The following WWC2 variants were observed in gnomAD, a reference collection of about 807,000 sequenced individuals.
The protein encoded by WWC2 is protein WWC2.
WWC2 carries 101 observed loss-of-function variants against 138.5 expected under a neutral mutation model. The ratio of observed to expected loss-of-function variants is 0.73; its 90% CI spans 0.62 to 0.86. The LOEUF is 0.86. Ranked by LOEUF, WWC2 falls within the 40% of genes least tolerant of loss-of-function variation. The pLI, the probability that WWC2 is intolerant of heterozygous loss-of-function variation, is 0.00. For synonymous variants in WWC2, 558 were observed against 538.4 expected (o/e 1.04, Z -0.50); for missense variants, 1,420 against 1,419.4 (o/e 1.00, Z -0.01).
chr4:183,118,837 C>T (rs1026300964), intron 1 of WWC2, among the ~76,000 whole-genome samples: 10 of 152,022 alleles, frequency 6.6e-5, no homozygotes, highest in African/African-American at 1.9e-4. Context: ...GTTGTCTGAC[C>T]GGGTTTACTA....
chr4:183,261,096 A>G lies in WWC2; in HGVS notation c.1473A>G (p.Gln491=), dbSNP rs764702483. 3.1e-6 allele frequency: 5 copies of G among 1,613,914 alleles called. No individual in the cohort carries two copies. In the Admixed American group the frequency reaches 6.7e-5, roughly 22 times the overall value. ...DYQYKLDFLL[Q]EKSGYIPSGP... ...AGTATAAACTGGACTTCCTTCTGCA[A>G]GAGAAAAGCGGTTACATTCCTTCTG... The change falls in exon 11 of 23, where the codon CAA becomes CAG. Residue 491 remains glutamine (Q), a synonymous_variant. Transcript: ENST00000403733.
intron 11 of WWC2, among the ~76,000 whole-genome samples, chr4:183,262,090 CG>C (rs1350805264): frequency 6.6e-6 from 1 of 152,124 alleles, no homozygotes; most frequent in East Asian, 1.9e-4. Flanking sequence ...GTTGCAGCCC[CG>C]GGAAGGGATT....
chr4:183,177,522 G>A (rs1315031680), intron 1 of WWC2, among the ~76,000 whole-genome samples: 1 of 152,072 alleles, frequency 6.6e-6, no homozygotes, highest in Admixed American at 6.6e-5. Context: ...CTCCTTTGTT[G>A]TTTAACAAGG....
At chr4:183,297,721 C>T (rs1441365651) in intron 21 of WWC2, among the ~76,000 whole-genome samples, 1 of 152,168 alleles carries the variant, frequency 6.6e-6, no homozygotes, top group Non-Finnish European at 1.5e-5. Context: ...GGGATAAACA[C>T]TTCTGTTCTA....
intron 4 of WWC2, among the ~76,000 whole-genome samples, chr4:183,222,176 C>T (rs568400330): frequency 2.6e-5 from 4 of 152,154 alleles, no homozygotes; most frequent in South Asian, 2.1e-4. Context: ...ATTTTGTTGT[C>T]GTCCTGGTGG....
chr4:183,158,568 T>C (rs748314084), intron 1 of WWC2, among the ~76,000 whole-genome samples: 3 of 151,922 alleles, frequency 2.0e-5, no homozygotes, highest in Non-Finnish European at 4.4e-5. Context: ...ACCTTAATTA[T>C]GTCTTTAAGG....
chr4:183,253,643 G>C, intron 8 of WWC2, 114 bp from the exon 9 acceptor site: 1 of 1,312,412 alleles, frequency 7.6e-7, no homozygotes, highest in Non-Finnish European at 1.0e-6. Context: ...TTTCTGGTAA[G>C]GTCAAGTTAG....
chr4:183,144,105 T>TA (rs1435532347), intron 1 of WWC2, among the ~76,000 whole-genome samples: 1 of 152,266 alleles, frequency 6.6e-6, no homozygotes, highest in African/African-American at 2.4e-5. Flanking sequence ...GAAGCCTGTT[T>TA]AAATGGGAAC....
At chr4:183,139,204 A>C (rs1416701956) in intron 1 of WWC2, among the ~76,000 whole-genome samples, 2 of 152,176 alleles carry the variant, frequency 1.3e-5, no homozygotes, top group African/African-American at 4.8e-5. Flanking sequence ...AGGAGCTAGA[A>C]GCTGGAAATC....
chr4:183,188,618 ATC>A (rs539084926), intron 1 of WWC2, among the ~76,000 whole-genome samples: 5 of 138,612 alleles, frequency 3.6e-5, no homozygotes, highest in Non-Finnish European at 4.7e-5. Context: ...ATCTAATATG[ATC>A]TCTCTCTCTC....
At chr4:183,108,958 G>GA (rs1732135683) in intron 1 of WWC2, among the ~76,000 whole-genome samples, 1 of 152,146 alleles carries the variant, frequency 6.6e-6, no homozygotes, top group African/African-American at 2.4e-5. Flanking sequence ...TACCAACAGG[G>GA]AAAAGTAAGT....
At chr4:183,153,357 T>C (rs1189984715) in intron 1 of WWC2, among the ~76,000 whole-genome samples, 1 of 152,224 alleles carries the variant, frequency 6.6e-6, no homozygotes, top group Non-Finnish European at 1.5e-5. Flanking sequence ...GACTTAGTCC[T>C]CTTTGCTTCA....
intron 2 of WWC2, among the ~76,000 whole-genome samples, chr4:183,199,728 A>G (rs1203775073): frequency 6.6e-6 from 1 of 152,250 alleles, no homozygotes; most frequent in Non-Finnish European, 1.5e-5. Flanking sequence ...GTTATCTTCC[A>G]TGATAAGCTC....
chr4:183,206,412 G>A (rs763740077), intron 2 of WWC2, among the ~76,000 whole-genome samples: 1 of 151,958 alleles, frequency 6.6e-6, no homozygotes, highest in Non-Finnish European at 1.5e-5. Context: ...GGGTCCACTC[G>A]GATACAATAT....
chr4:183,200,081 C>T (rs1290170903), intron 2 of WWC2, among the ~76,000 whole-genome samples: 2 of 152,164 alleles, frequency 1.3e-5, no homozygotes, highest in Non-Finnish European at 2.9e-5. Context: ...TTGAATTGTG[C>T]AGTATTTCAG....
At chr4:183,173,562 A>G (rs1477874115) in intron 1 of WWC2, among the ~76,000 whole-genome samples, 2 of 151,978 alleles carry the variant, frequency 1.3e-5, no homozygotes, top group Non-Finnish European at 2.9e-5. Context: ...TTCCAGACAC[A>G]GGAGACAGGA....
intron 11 of WWC2, 37 bp from the exon 12 acceptor site, chr4:183,264,941 G>A (rs747885611): frequency 1.3e-6 from 2 of 1,580,142 alleles, no homozygotes; most frequent in Non-Finnish European, 1.7e-6. Flanking sequence ...TTCCAAATAA[G>A]ACATTCTGAT....
intron 1 of WWC2, among the ~76,000 whole-genome samples, chr4:183,137,576 G>A (rs1282746650): frequency 2.6e-5 from 4 of 151,794 alleles, no homozygotes; most frequent in African/African-American, 4.8e-5. Context: ...TTGGCTCACC[G>A]TAACCTTGAC....
At chr4:183,292,232 A>G (rs144535945) in intron 21 of WWC2, among the ~76,000 whole-genome samples, 1 of 151,998 alleles carries the variant, frequency 6.6e-6, no homozygotes, top group African/African-American at 2.4e-5. Context: ...TAAATAATAA[A>G]TGCATACACA....
Sources: gnomAD v4.1 joint callset for allele counts (sites outside exome capture counted in the v4.1 genomes callset) on GRCh38, gnomAD v4.1.1 for gene constraint, MANE v1.5 for transcripts, NCBI Gene and HGNC (gene_info 2026-07-23, HGNC 2026-07-21) for gene names.